The following EZR variants were observed in gnomAD, a reference collection of about 807,000 sequenced individuals.
The protein encoded by EZR is ezrin, also known as cytovillin 2.
In EZR, 40 loss-of-function variants were observed where a neutral mutation model predicts 74.8. The ratio of observed to expected loss-of-function variants is 0.53; its 90% CI spans 0.42 to 0.70. EZR has a LOEUF of 0.70. EZR is among the 30% of genes least tolerant of loss of function. The pLI is 0.00. For missense variants in EZR, 678 were observed against 755.8 expected (o/e 0.90, Z 1.21); for synonymous variants, 341 against 283.3 (o/e 1.20, Z -2.05).
intron 2 of EZR, among the ~76,000 whole-genome samples, chr6:158,790,488 A>G (rs929251063): frequency 6.6e-6 from 1 of 152,234 alleles, no homozygotes; most frequent in African/African-American, 2.4e-5. Flanking sequence ...CAGCCTGGCT[A>G]ACATGGTGAA....
rs1245942971 is a variant in EZR at position 158,766,140 on chromosome 6, G to GT, written c.*773dup. 6.6e-6 allele frequency: 1 copy of GT among 152,564 alleles called. No homozygotes were observed. Among genetic ancestry groups the GT allele is most frequent in the Non-Finnish European group, 1.5e-5 (1 of 68,022 alleles). The allele number at this position is 152,564 out of a possible 1,614,324, so 9.5% of individuals were successfully genotyped here. On this transcript the variant is annotated 3_prime_UTR_variant, in exon 14 of 14. Coordinates refer to ENST00000367075, the MANE Select transcript of EZR (RefSeq NM_001111077.2). ...CCATGGTTTAGAGGGTTTTTCATAT[G>GT]TAATTCTTTTATTCTGTAAAAGGTA...
At position 158,779,129 on chromosome 6, in the gene EZR, A is replaced by G. The variant is rs1489532337; in HGVS notation, c.699-2625T>C. Among the ~76,000 whole-genome samples the G allele has an allele frequency of 2.0e-5, 3 of 152,332 alleles. No individual in the cohort carries two copies. The East Asian group carries it at 5.8e-4, about 29-fold the overall frequency. On this transcript the variant is annotated intron_variant, in intron 7 of 13. Transcript: ENST00000367075. Reference sequence around the variant, plus strand: ...ATTAGCACCACCTAAGATAAGATATACCGACCACATGTGCCACCTTGAAAG... The same window carrying G: ...ATTAGCACCACCTAAGATAAGATATGCCGACCACATGTGCCACCTTGAAAG...
At chr6:158,792,638 TG>T (rs1354176528) in intron 2 of EZR, among the ~76,000 whole-genome samples, 2 of 151,810 alleles carry the variant, frequency 1.3e-5, no homozygotes, top group African/African-American at 4.8e-5. Flanking sequence ...GCTAACACGA[TG>T]AAACCCCATC....
At chr6:158,786,978 G>T in intron 4 of EZR, 130 bp downstream of exon 4, 2 of 679,724 alleles carry the variant, frequency 2.9e-6, no homozygotes, top group Admixed American at 2.9e-5. Flanking sequence ...CAACCTTTTT[G>T]TCTGTAAAAA....
In EZR at chr6:158,766,277, A is replaced by G. The variant is rs1790816268; in HGVS notation, c.*637T>C. On this transcript the variant is annotated 3_prime_UTR_variant, in exon 14 of 14. Transcript: ENST00000367075. ...ATCATTAATAAGGTGTATAAGTACA[A>G]TGTATTCTAAAACTGTTAAGCAAAA... 6.6e-6 allele frequency: 1 copy of G among 151,054 alleles called. No homozygotes were observed. The highest frequency in any genetic ancestry group is 2.4e-5 in the African/African-American group (1 of 40,818). 9.4% of individuals were successfully genotyped at this position (151,054 alleles called of 1,614,324 possible).
chr6:158,783,712 T>C, intron 6 of EZR, 46 bp from the exon 7 acceptor site: 1 of 1,584,176 alleles, frequency 6.3e-7, no homozygotes, highest in South Asian at 1.1e-5. Context: ...TAGCACTCAA[T>C]ATCTAGAACA....
At chr6:158,789,992 TAC>T (rs1791692492) in intron 2 of EZR, among the ~76,000 whole-genome samples, 1 of 152,118 alleles carries the variant, frequency 6.6e-6, no homozygotes, top group South Asian at 2.1e-4. Flanking sequence ...ATATGAGCCT[TAC>T]GACAGCCAAG....
intron 7 of EZR, among the ~76,000 whole-genome samples, chr6:158,777,497 T>C (rs1385889768): frequency 6.6e-6 from 1 of 152,240 alleles, no homozygotes; most frequent in Non-Finnish European, 1.5e-5. Context: ...CACCCTATTC[T>C]TCCAACACAT....
At chr6:158,801,634 C>G (rs142411085) in intron 2 of EZR, among the ~76,000 whole-genome samples, 1 of 152,242 alleles carries the variant, frequency 6.6e-6, no homozygotes, top group African/African-American at 2.4e-5. Flanking sequence ...AGGATATGTA[C>G]TAGTCTTTTA....
At chr6:158,813,541 C>T (rs1300963562) in intron 2 of EZR, among the ~76,000 whole-genome samples, 4 of 150,340 alleles carry the variant, frequency 2.7e-5, no homozygotes, top group Non-Finnish European at 6.0e-5. Context: ...CACCACTGCC[C>T]CTCGTGGAGG....
intron 1 of EZR, among the ~76,000 whole-genome samples, chr6:158,818,657 A>T (rs1355810393): frequency 7.1e-6 from 1 of 140,830 alleles, no homozygotes; most frequent in Admixed American, 7.0e-5. Context: ...CCCAGCGGAG[A>T]GAGGCGGAGA....
intron 1 of EZR, among the ~76,000 whole-genome samples, chr6:158,818,735 G>A (rs539992067): frequency 2.6e-5 from 4 of 151,470 alleles, no homozygotes; most frequent in Admixed American, 2.6e-4. Flanking sequence ...GCGCCTGGGA[G>A]AGAGAGGGCG....
chr6:158,806,576 T>C (rs1403266665), intron 2 of EZR, among the ~76,000 whole-genome samples: 1 of 150,982 alleles, frequency 6.6e-6, no homozygotes, highest in East Asian at 1.9e-4. Flanking sequence ...AAAAAAAAAA[T>C]CACAATACCA....
chr6:158,793,511 A>C (rs906011705), intron 2 of EZR, among the ~76,000 whole-genome samples: 1 of 152,206 alleles, frequency 6.6e-6, no homozygotes, highest in African/African-American at 2.4e-5. Context: ...TACTATGTTA[A>C]TGAGCTGCTT....
At chr6:158,798,129 G>A (rs1777111012) in intron 2 of EZR, among the ~76,000 whole-genome samples, 1 of 152,210 alleles carries the variant, frequency 6.6e-6, no homozygotes, top group Admixed American at 6.5e-5. Context: ...ATGTTTAAAA[G>A]GGTTATTCAT....
intron 2 of EZR, 138 bp from the exon 3 acceptor site, chr6:158,789,509 C>A: frequency 1.2e-6 from 1 of 808,738 alleles, no homozygotes; most frequent in Middle Eastern, 2.2e-4. Flanking sequence ...AGTCAGGAAG[C>A]CACACACCAC....
At chr6:158,795,764 T>C (rs1209324703) in intron 2 of EZR, among the ~76,000 whole-genome samples, 1 of 152,176 alleles carries the variant, frequency 6.6e-6, no homozygotes, top group African/African-American at 2.4e-5. Context: ...CAGAAGCTTT[T>C]CAAACACCCG....
intron 12 of EZR, 100 bp from the exon 13 acceptor site, chr6:158,767,612 G>A: frequency 7.5e-7 from 1 of 1,331,646 alleles, no homozygotes; most frequent in Non-Finnish European, 1.0e-6. Flanking sequence ...GCAGGCTAAG[G>A]CAGCACTGAA....
rs60495898 is a variant in EZR at position 158,803,582 on chromosome 6, CAT to C, written c.13-14213_13-14212del. Among the ~76,000 whole-genome samples, 17 of 43,660 alleles carry C rather than the reference CAT, an allele frequency of 3.9e-4. 2 individuals carry two copies. The highest frequency in any genetic ancestry group is 2.2e-3 in the Admixed American group (7 of 3,164). 28.6% of individuals were successfully genotyped at this position (43,660 alleles called of 152,430 possible). A position where few individuals can be genotyped will look rare whatever the true frequency, so the allele number is the denominator to read the frequency against. On this transcript the variant is annotated intron_variant, in intron 2 of 13. Transcript: ENST00000367075. ...ATATATATATATATATATATATATA[CAT>C]ATATATATATATATATATATACATA...
Sources: allele counts gnomAD v4.1 joint callset (sites outside exome capture counted in the v4.1 genomes callset), GRCh38; gene constraint gnomAD v4.1.1; transcripts MANE v1.5; gene names NCBI Gene and HGNC (gene_info 2026-07-23, HGNC 2026-07-21).